Variants in ERBB4 observed in about 807,000 individuals in gnomAD.
ERBB4 encodes the protein receptor tyrosine-protein kinase erbB-4.
ERBB4 carries 42 observed loss-of-function variants against 158.0 expected under a neutral mutation model. That is an observed-to-expected ratio of 0.27 (90% confidence interval 0.21 to 0.34). The LOEUF is 0.34. ERBB4 is among the 10% of genes least tolerant of loss of function. ERBB4 has a pLI of 1.00. For missense variants in ERBB4, 1,333 were observed against 1,624.1 expected (o/e 0.82, Z 3.08); for synonymous variants, 583 against 558.7 (o/e 1.04, Z -0.61).
chr2:212,311,691 C>A (rs2087051798), intron 1 of ERBB4, among the ~76,000 whole-genome samples: 1 of 150,920 alleles, frequency 6.6e-6, no homozygotes, highest in Non-Finnish European at 1.5e-5. Flanking sequence ...CAAATGGGAC[C>A]ATTTTGCAGA....
chr2:211,690,458 A>G (rs1053459688), intron 12 of ERBB4, among the ~76,000 whole-genome samples: 3 of 152,098 alleles, frequency 2.0e-5, no homozygotes, highest in African/African-American at 7.2e-5. Flanking sequence ...CGGCTGTCTA[A>G]TGCCTCCCTA....
chr2:212,373,787 A>ATGTATAT (rs1560145061), intron 1 of ERBB4, among the ~76,000 whole-genome samples: 1 of 97,672 alleles, frequency 1.0e-5, no homozygotes, highest in Non-Finnish European at 2.3e-5. Flanking sequence ...GTATATATCC[A>ATGTATAT]CGTATATATA....
intron 3 of ERBB4, among the ~76,000 whole-genome samples, chr2:211,836,605 G>A (rs1017960949): frequency 3.3e-5 from 5 of 151,966 alleles, no homozygotes; most frequent in East Asian, 1.9e-4. Flanking sequence ...CACAACAATC[G>A]AAGGACAATA....
intron 16 of ERBB4, among the ~76,000 whole-genome samples, chr2:211,635,980 C>G (rs2070342956): frequency 6.6e-6 from 1 of 151,912 alleles, no homozygotes; most frequent in South Asian, 2.1e-4. Context: ...AAGACTTTCA[C>G]TTTTAGAAGC....
rs145257332 is a variant in ERBB4, at chr2:212,389,988, C to T, written c.82+148461G>A. Among the ~76,000 whole-genome samples, 118 of 151,706 alleles carry T rather than the reference C, an allele frequency of 7.8e-4. 1 individual carries two copies. The highest frequency in any genetic ancestry group is 2.7e-3 in the African/African-American group (113 of 41,464). ...GCTCTCTAGAATAAAAGAAATAGCCCTCATTCACCAATGAAAAATGAATGG... is the reference window on the plus strand; with the variant it reads ...GCTCTCTAGAATAAAAGAAATAGCCTTCATTCACCAATGAAAAATGAATGG... On this transcript the variant is annotated intron_variant, in intron 1 of 27. Transcript: ENST00000342788.
chr2:211,532,152 G>GC (rs548552251), intron 20 of ERBB4, among the ~76,000 whole-genome samples: 1 of 64,710 alleles, frequency 1.5e-5, no homozygotes, highest in Non-Finnish European at 4.0e-5. Flanking sequence ...GAAGGGTTGT[G>GC]GGGGGGGAAA....
intron 16 of ERBB4, among the ~76,000 whole-genome samples, chr2:211,653,378 C>G (rs2071076688): frequency 6.6e-6 from 1 of 152,124 alleles, no homozygotes; most frequent in South Asian, 2.1e-4. Flanking sequence ...ACATTGTAGG[C>G]TTGGGAAAGA....
At chr2:212,391,439 T>A (rs1302413293) in intron 1 of ERBB4, among the ~76,000 whole-genome samples, 1 of 150,984 alleles carries the variant, frequency 6.6e-6, no homozygotes, top group Non-Finnish European at 1.5e-5. Flanking sequence ...TTAATTAAAA[T>A]AAATTATGTT....
At chr2:211,695,575 A>C (rs2072985647) in intron 12 of ERBB4, among the ~76,000 whole-genome samples, 1 of 152,176 alleles carries the variant, frequency 6.6e-6, no homozygotes, top group Admixed American at 6.5e-5. Context: ...TCTCAAACAT[A>C]TACTTTTTAT....
Position 212,394,890 on chromosome 2 carries a change from G to A in ERBB4, c.82+143559C>T, listed in dbSNP as rs1420969714. Among the ~76,000 whole-genome samples, 8 of 151,964 alleles carry A rather than the reference G, an allele frequency of 5.3e-5. No individual in the cohort carries two copies. In the East Asian group the frequency reaches 1.5e-3, roughly 29 times the overall value. Reference sequence around the variant, plus strand: ...TTGTCATAGTCATATTTTGACTTTGGGATACACTGACCTGAAGGAGAAGAA... The same window carrying A: ...TTGTCATAGTCATATTTTGACTTTGAGATACACTGACCTGAAGGAGAAGAA... On this transcript the variant is annotated intron_variant, in intron 1 of 27. Transcript: ENST00000342788.
At chr2:211,914,575 G>C (rs943112771) in intron 3 of ERBB4, among the ~76,000 whole-genome samples, 1 of 152,088 alleles carries the variant, frequency 6.6e-6, no homozygotes, top group African/African-American at 2.4e-5. Flanking sequence ...TCTTTGAGGA[G>C]GCTTTAAACA....
chr2:212,533,055 T>C (rs994854644), intron 1 of ERBB4, among the ~76,000 whole-genome samples: 1 of 152,194 alleles, frequency 6.6e-6, no homozygotes, highest in African/African-American at 2.4e-5. Context: ...ATTTAATAAA[T>C]ATTTCAGAAT....
intron 1 of ERBB4, among the ~76,000 whole-genome samples, chr2:212,300,260 A>G (rs991885839): frequency 6.6e-6 from 1 of 151,604 alleles, no homozygotes; most frequent in African/African-American, 2.4e-5. Flanking sequence ...TGAGAATATC[A>G]ACTTGCACAC....
intron 13 of ERBB4, among the ~76,000 whole-genome samples, chr2:211,678,760 T>C (rs1251206720): frequency 2.0e-5 from 3 of 150,356 alleles, no homozygotes; most frequent in African/African-American, 7.3e-5. Flanking sequence ...AGGTTAGGAG[T>C]TCGAGACCAT....
chr2:211,785,827 C>T (rs1317186311), intron 4 of ERBB4, among the ~76,000 whole-genome samples: 4 of 152,026 alleles, frequency 2.6e-5, no homozygotes, highest in East Asian at 3.9e-4. Flanking sequence ...GTATCTCAAC[C>T]TAACTTATTT....
intron 4 of ERBB4, among the ~76,000 whole-genome samples, chr2:211,759,828 T>C (rs1420376606): frequency 6.6e-6 from 1 of 151,592 alleles, no homozygotes; most frequent in Non-Finnish European, 1.5e-5. Flanking sequence ...TGTGTGTGTG[T>C]GTGTGTGTGT....
chr2:211,704,621 A>G (rs1406251792), intron 10 of ERBB4, among the ~76,000 whole-genome samples: 8 of 152,178 alleles, frequency 5.3e-5, no homozygotes, highest in African/African-American at 1.9e-4. Flanking sequence ...ATTCATATCT[A>G]TGGGTCCCAT....
At chr2:211,944,081 C>CTATATATATATA (rs58348907) in intron 3 of ERBB4, among the ~76,000 whole-genome samples, 42 of 133,610 alleles carry the variant, frequency 3.1e-4, no homozygotes, top group African/African-American at 1.1e-3. Flanking sequence ...CATGGTTACA[C>CTATATATATATA]TATATATATA....
chr2:212,345,847 CAAGAT>C (rs891344677), intron 1 of ERBB4, among the ~76,000 whole-genome samples: 4 of 151,800 alleles, frequency 2.6e-5, no homozygotes, highest in Non-Finnish European at 4.4e-5. Context: ...AATTTGGGTT[CAAGAT>C]AAGTAATTGT....
Sources: gnomAD v4.1 joint callset for allele counts (sites outside exome capture counted in the v4.1 genomes callset) on GRCh38, gnomAD v4.1.1 for gene constraint, MANE v1.5 for transcripts, NCBI Gene and HGNC (gene_info 2026-07-23, HGNC 2026-07-21) for gene names.